The following MAML3 variants were observed in gnomAD, a reference collection of about 807,000 sequenced individuals.
MAML3 encodes the protein mastermind like transcriptional coactivator 3.
MAML3 carries 27 observed loss-of-function variants against 101.9 expected under a neutral mutation model. That is an observed-to-expected ratio of 0.27 (90% confidence interval 0.20 to 0.37). MAML3 has a LOEUF of 0.37. Ranked by LOEUF, MAML3 falls within the 10% of genes least tolerant of loss-of-function variation. The pLI, the probability that MAML3 is intolerant of heterozygous loss-of-function variation, is 1.00. For synonymous variants in MAML3, 501 were observed against 555.9 expected (o/e 0.90, Z 1.39); for missense variants, 1,316 against 1,444.9 (o/e 0.91, Z 1.45).
At chr4:140,112,639 A>G (rs1485689804) in intron 1 of MAML3, among the ~76,000 whole-genome samples, 1 of 152,246 alleles carries the variant, frequency 6.6e-6, no homozygotes, top group Non-Finnish European at 1.5e-5. Context: ...ATAATGCAAG[A>G]TGGTGGCAAC....
In MAML3 at chr4:139,864,674, CAAAA is replaced by C. The variant is rs70943450; in HGVS notation, c.2079+24679_2079+24682del. On this transcript the variant is annotated intron_variant, in intron 2 of 4. Transcript: ENST00000509479. The stretch of plus-strand genomic sequence containing the variant: ...CTGGCGACAGAGCGAGGCTCCGTCT[CAAAA>C]AAAAAAAAAAAAAAAAAAAAAGAAA... Among the ~76,000 whole-genome samples, 694 of 69,460 alleles carry C rather than the reference CAAAA, an allele frequency of 1.0e-2. 3 individuals carry two copies. The highest frequency in any genetic ancestry group is 0.046 in the African/African-American group (666 of 14,588). 45.6% of individuals were successfully genotyped at this position (69,460 alleles called of 152,430 possible).
chr4:140,058,020 T>G (rs972141317), intron 1 of MAML3, among the ~76,000 whole-genome samples: 2 of 151,332 alleles, frequency 1.3e-5, no homozygotes, highest in Non-Finnish European at 2.9e-5. Context: ...ATGAAAGACC[T>G]CTGATTAAAC....
At chr4:139,958,723 G>A (rs1455750514) in intron 1 of MAML3, among the ~76,000 whole-genome samples, 1 of 152,116 alleles carries the variant, frequency 6.6e-6, no homozygotes, top group Admixed American at 6.6e-5. Flanking sequence ...TACGTCTGTG[G>A]TCCATAGAAC....
chr4:139,730,753 G>C, intron 2 of MAML3, 86 bp from the exon 3 acceptor site: 1 of 1,252,840 alleles, frequency 8.0e-7, no homozygotes. Flanking sequence ...AAAAGGGAAC[G>C]GGGCAGAAGT....
At chr4:139,763,010 A>C (rs1284122729) in intron 2 of MAML3, among the ~76,000 whole-genome samples, 1 of 152,088 alleles carries the variant, frequency 6.6e-6, no homozygotes, top group Non-Finnish European at 1.5e-5. Flanking sequence ...GAAGGCCTGC[A>C]ACTGGCTGAT....
chr4:139,861,109 G>T (rs969821771), intron 2 of MAML3, among the ~76,000 whole-genome samples: 2 of 152,054 alleles, frequency 1.3e-5, no homozygotes, highest in African/African-American at 4.8e-5. Flanking sequence ...TGCGATCCAT[G>T]CATCATTTTC....
intron 1 of MAML3, among the ~76,000 whole-genome samples, chr4:140,000,481 A>C (rs554778458): frequency 3.9e-5 from 6 of 152,340 alleles, no homozygotes; most frequent in African/African-American, 1.4e-4. Flanking sequence ...TACTTGCCTG[A>C]GATGATGTAA....
chr4:139,996,892 C>A (rs1734827972), intron 1 of MAML3, among the ~76,000 whole-genome samples: 2 of 151,890 alleles, frequency 1.3e-5, no homozygotes, highest in African/African-American at 4.8e-5. Flanking sequence ...AACCCCATCT[C>A]TACTAAAATA....
intron 2 of MAML3, among the ~76,000 whole-genome samples, chr4:139,784,813 C>G (rs1220549342): frequency 6.6e-6 from 1 of 152,132 alleles, no homozygotes; most frequent in Non-Finnish European, 1.5e-5. Context: ...TGCTTCATTT[C>G]TTTGTTGTCA....
intron 1 of MAML3, among the ~76,000 whole-genome samples, chr4:139,907,728 T>G (rs1189427646): frequency 2.0e-5 from 3 of 152,178 alleles, no homozygotes; most frequent in African/African-American, 7.2e-5. Context: ...CTCCTGTCTA[T>G]TGGAAAATGC....
At chr4:139,854,112 C>T (rs548298776) in intron 2 of MAML3, among the ~76,000 whole-genome samples, 60 of 152,130 alleles carry the variant, frequency 3.9e-4, no homozygotes, top group African/African-American at 6.0e-4. Context: ...CATGAGCCAC[C>T]GTGCCCGGCC....
In MAML3 at chr4:139,730,430, TCTGCTGCTGCTG is replaced by T. The variant is rs3051167; in HGVS notation, c.2305_2316del (p.Gln769_Gln772del). On this transcript the variant is annotated inframe_deletion, in exon 3 of 5. Transcript: ENST00000509479. ...GGGCATGTTACCTGTTCCGCCAAAA[TCTGCTGCTGCTG>T]CTGCTGCTGCTGCTGCCTTTGCTCC... 1.5e-4 allele frequency: 223 copies of T among 1,456,304 alleles called. No individual in the cohort carries two copies. The highest frequency in any genetic ancestry group is 2.0e-4 in the Non-Finnish European group (213 of 1,074,506). The allele number at this position is 1,456,304 out of a possible 1,614,324, so 90.2% of individuals were successfully genotyped here. A position where few individuals can be genotyped will look rare whatever the true frequency, so the allele number is the denominator to read the frequency against.
chr4:140,020,501 A>G (rs1726715114), intron 1 of MAML3, among the ~76,000 whole-genome samples: 1 of 152,126 alleles, frequency 6.6e-6, no homozygotes, highest in African/African-American at 2.4e-5. Context: ...TTTATTTATA[A>G]TGACTTCAAA....
intron 1 of MAML3, among the ~76,000 whole-genome samples, chr4:139,999,578 T>C (rs75642468): frequency 1.3e-5 from 2 of 152,378 alleles, no homozygotes; most frequent in African/African-American, 2.4e-5. Context: ...ATTTGTTGAC[T>C]TCCTTACTTG....
chr4:139,768,886 T>A (rs1342919721), intron 2 of MAML3, among the ~76,000 whole-genome samples: 1 of 152,202 alleles, frequency 6.6e-6, no homozygotes, highest in African/African-American at 2.4e-5. Context: ...CCCTTTTCTT[T>A]CAGGTGATAA....
intron 2 of MAML3, among the ~76,000 whole-genome samples, chr4:139,736,491 C>T (rs1728951114): frequency 6.6e-6 from 1 of 152,126 alleles, no homozygotes; most frequent in Non-Finnish European, 1.5e-5. Context: ...TCTCAGTCCC[C>T]ACCCCCTGAA....
At position 139,852,586 on chromosome 4, in the gene MAML3, T is replaced by G. The variant is rs1339461169; in HGVS notation, c.2079+36771A>C. 3.9e-5 allele frequency among the ~76,000 whole-genome samples: 6 copies of G among 151,926 alleles called. No individual in the cohort carries two copies. In the South Asian group the frequency reaches 8.3e-4, roughly 21 times the overall value. On this transcript the variant is annotated intron_variant, in intron 2 of 4. Transcript: ENST00000509479. Reference sequence around the variant, plus strand: ...TGCCATCATGTCTGGCTAATTTTTTTCGTAGTTTTGTAGAGACAGGGTTTC... The same window carrying G: ...TGCCATCATGTCTGGCTAATTTTTTGCGTAGTTTTGTAGAGACAGGGTTTC...
intron 1 of MAML3, among the ~76,000 whole-genome samples, chr4:139,995,358 T>C (rs1170500971): frequency 6.6e-6 from 1 of 152,234 alleles, no homozygotes; most frequent in Non-Finnish European, 1.5e-5. Context: ...AATATCATTG[T>C]CTGGCATTAG....
intron 1 of MAML3, among the ~76,000 whole-genome samples, chr4:139,922,880 C>A (rs1412647037): frequency 6.6e-6 from 1 of 152,138 alleles, no homozygotes; most frequent in Admixed American, 6.5e-5. Context: ...TCAGCATTGG[C>A]CAGCAGTAGT....
Sources: allele counts gnomAD v4.1 joint callset (sites outside exome capture counted in the v4.1 genomes callset), GRCh38; gene constraint gnomAD v4.1.1; transcripts MANE v1.5; gene names NCBI Gene and HGNC (gene_info 2026-07-23, HGNC 2026-07-21).